LCLAT1: variants seen among roughly 807,000 people sequenced by gnomAD.
LCLAT1 encodes lysocardiolipin acyltransferase 1, also known as 1-AGP acyltransferase 8.
LCLAT1 carries 11 observed loss-of-function variants against 30.7 expected under a neutral mutation model. That is an observed-to-expected ratio of 0.36 (90% CI 0.23 to 0.59). The LOEUF is 0.59. Among genes scored for constraint, LCLAT1 ranks in the 20% least tolerant of loss-of-function variants. LCLAT1 has a pLI of 0.77. For missense variants in LCLAT1, 402 were observed against 458.6 expected (o/e 0.88, Z 1.13); for synonymous variants, 155 against 151.3 (o/e 1.02, Z -0.18).
At chr2:30,471,732 G>T (rs1261657082) in intron 1 of LCLAT1, among the ~76,000 whole-genome samples, 1 of 151,890 alleles carries the variant, frequency 6.6e-6, no homozygotes, top group Non-Finnish European at 1.5e-5. Flanking sequence ...TGTTGATCTC[G>T]TACCCTTCAA....
intron 1 of LCLAT1, among the ~76,000 whole-genome samples, chr2:30,481,581 C>G (rs567360690): frequency 6.6e-6 from 1 of 152,004 alleles, no homozygotes; most frequent in African/African-American, 2.4e-5. Flanking sequence ...AGTGGCCATG[C>G]GTGTGGAATG....
intron 5 of LCLAT1, among the ~76,000 whole-genome samples, chr2:30,611,049 A>C (rs536895604): frequency 1.3e-5 from 2 of 149,038 alleles, no homozygotes; most frequent in South Asian, 4.2e-4. Context: ...TAATTTGTTA[A>C]ATTCTGGCTT....
At chr2:30,580,934 C>A (rs1025790305) in intron 5 of LCLAT1, among the ~76,000 whole-genome samples, 2 of 152,038 alleles carry the variant, frequency 1.3e-5, no homozygotes, top group African/African-American at 4.8e-5. Flanking sequence ...ATCATAGTTA[C>A]CCCAAAATAG....
intron 1 of LCLAT1, among the ~76,000 whole-genome samples, chr2:30,506,230 C>G (rs1431433554): frequency 6.6e-6 from 1 of 152,046 alleles, no homozygotes; most frequent in East Asian, 1.9e-4. Flanking sequence ...AAGAATGAAA[C>G]TGTGTAGTTT....
At chr2:30,636,686 T>TAC (rs1185021361) in intron 5 of LCLAT1, among the ~76,000 whole-genome samples, 2 of 152,114 alleles carry the variant, frequency 1.3e-5, no homozygotes, top group East Asian at 1.9e-4. Flanking sequence ...ACACACATGG[T>TAC]ACACACACAC....
At chr2:30,571,934 G>T (rs1665796741) in intron 5 of LCLAT1, among the ~76,000 whole-genome samples, 1 of 152,170 alleles carries the variant, frequency 6.6e-6, no homozygotes, top group Non-Finnish European at 1.5e-5. Context: ...ATGATAGAGT[G>T]CAACAAAACC....
chr2:30,454,928 A>G (rs1041263255), intron 1 of LCLAT1, among the ~76,000 whole-genome samples: 1 of 152,212 alleles, frequency 6.6e-6, no homozygotes, highest in Admixed American at 6.5e-5. Flanking sequence ...TATTTATGGT[A>G]GTAATGAAAC....
intron 3 of LCLAT1, among the ~76,000 whole-genome samples, chr2:30,536,724 G>C (rs1686264856): frequency 6.6e-6 from 1 of 152,158 alleles, no homozygotes; most frequent in Non-Finnish European, 1.5e-5. Context: ...AGATGAAAAA[G>C]AGAAGGGACT....
At chr2:30,587,184 T>G (rs1666482194) in intron 5 of LCLAT1, among the ~76,000 whole-genome samples, 1 of 152,238 alleles carries the variant, frequency 6.6e-6, no homozygotes, top group Non-Finnish European at 1.5e-5. Flanking sequence ...TAGGGAGAAC[T>G]AGTGAAAAGG....
At position 30,640,701 on chromosome 2, in the gene LCLAT1, A is replaced by G; in HGVS notation, c.*82A>G. The G allele has an allele frequency of 6.8e-7, 1 of 1,471,824 alleles. No homozygotes were observed. The highest frequency in any genetic ancestry group is 9.1e-7 in the Non-Finnish European group (1 of 1,101,374). 91.2% of individuals were successfully genotyped at this position (1,471,824 alleles called of 1,614,324 possible). A position where few individuals can be genotyped will look rare whatever the true frequency, so the allele number is the denominator to read the frequency against. On this transcript the variant is annotated 3_prime_UTR_variant, in exon 6 of 6. Transcript: ENST00000379509. The stretch of plus-strand genomic sequence containing the variant: ...TTTCTAAGCTCAGATGCATTTTTGC[A>G]TGACTATGTCGAATATTTCTTACTG...
intron 1 of LCLAT1, among the ~76,000 whole-genome samples, chr2:30,504,561 A>G (rs908915539): frequency 1.3e-5 from 2 of 152,194 alleles, no homozygotes; most frequent in African/African-American, 4.8e-5. Flanking sequence ...ATGGCAAGCA[A>G]TCATCTTCCT....
intron 5 of LCLAT1, among the ~76,000 whole-genome samples, chr2:30,596,647 T>C (rs1249072010): frequency 6.6e-6 from 1 of 151,774 alleles, no homozygotes; most frequent in Non-Finnish European, 1.5e-5. Context: ...TTTAGTTTAA[T>C]CAGATCCCAT....
chr2:30,461,770 C>CCTTTTTTT (rs760622200), intron 1 of LCLAT1, among the ~76,000 whole-genome samples: 10,324 of 129,850 alleles, frequency 0.08, 1,032 homozygotes, highest in East Asian at 0.1. Context: ...CTAAATTAAA[C>CCTTTTTTT]TTTTTTTTTT....
At chr2:30,584,946 C>CAA (rs33956361) in intron 5 of LCLAT1, among the ~76,000 whole-genome samples, 9 of 107,248 alleles carry the variant, frequency 8.4e-5, no homozygotes, top group South Asian at 3.2e-4. Flanking sequence ...TACTATATTT[C>CAA]AAAAAAAAAA....
At chr2:30,488,181 A>G (rs559731566) in intron 1 of LCLAT1, among the ~76,000 whole-genome samples, 91 of 152,362 alleles carry the variant, frequency 6.0e-4, no homozygotes, top group African/African-American at 2.1e-3. Flanking sequence ...TAGTTACTAC[A>G]GTAAATCACA....
At chr2:30,544,885 C>G (rs771730575) in intron 3 of LCLAT1, among the ~76,000 whole-genome samples, 1 of 152,132 alleles carries the variant, frequency 6.6e-6, no homozygotes, top group Non-Finnish European at 1.5e-5. Flanking sequence ...CCAAACCTGT[C>G]CTTCTGCAAG....
chr2:30,506,513 G>T (rs1292526032), intron 1 of LCLAT1, among the ~76,000 whole-genome samples: 1 of 151,986 alleles, frequency 6.6e-6, no homozygotes, highest in Non-Finnish European at 1.5e-5. Context: ...TATAATAAAA[G>T]ACACGTGATA....
At chr2:30,635,843 T>C (rs1668999465) in intron 5 of LCLAT1, among the ~76,000 whole-genome samples, 1 of 152,246 alleles carries the variant, frequency 6.6e-6, no homozygotes, top group African/African-American at 2.4e-5. Flanking sequence ...TTATCTTCTA[T>C]ATTTTTAGAT....
At chr2:30,511,010 AG>A (rs1486362432) in intron 1 of LCLAT1, among the ~76,000 whole-genome samples, 1 of 152,042 alleles carries the variant, frequency 6.6e-6, no homozygotes, top group African/African-American at 2.4e-5. Flanking sequence ...TCCCCTGAAT[AG>A]TTTATTTCCT....
Sources: allele counts gnomAD v4.1 joint callset (sites outside exome capture counted in the v4.1 genomes callset), GRCh38; gene constraint gnomAD v4.1.1; transcripts MANE v1.5; gene names NCBI Gene and HGNC (gene_info 2026-07-23, HGNC 2026-07-21).